Variants in PIGF observed in about 807,000 individuals in gnomAD.
PIGF encodes the protein GPI ethanolamine phosphate transferase, stabilizing subunit.
A neutral mutation model predicts 26.0 loss-of-function variants in PIGF; 23 were observed. The ratio of observed to expected loss-of-function variants is 0.88; its 90% CI spans 0.64 to 1.25. The LOEUF is 1.25. Ranked by LOEUF, PIGF falls within the 50% of genes most tolerant of loss-of-function variation. The pLI is 0.00. For synonymous variants in PIGF, 93 were observed against 92.6 expected, an observed-to-expected ratio of 1.00 and a Z score of -0.03; for missense variants, 278 against 249.9, an observed-to-expected ratio of 1.11 and a Z score of -0.76.
rs146676908 is a variant in PIGF, at chr2:46,599,899, C to A, written c.438-7316G>T. ...CACTTCACATGGGCACACATCCTAT[C>A]TTAACTAGCCCCAATTTTCCCTGTC... On this transcript the variant is annotated intron_variant, in intron 4 of 5. Coordinates refer to ENST00000281382, the MANE Select transcript of PIGF (RefSeq NM_002643.4). 3.3e-3 allele frequency among the ~76,000 whole-genome samples: 501 copies of A among 152,236 alleles called. 1 individual carries two copies. Among genetic ancestry groups the A allele is most frequent in the Middle Eastern group, 0.014 (4 of 294 alleles).
At chr2:46,613,090 G>C (rs2104143610) in intron 3 of PIGF, among the ~76,000 whole-genome samples, 1 of 151,478 alleles carries the variant, frequency 6.6e-6, no homozygotes, top group East Asian at 1.9e-4. Context: ...ACAAATATAT[G>C]TGTGTGTATA....
At chr2:46,605,761 C>T (rs1433224313) in intron 4 of PIGF, among the ~76,000 whole-genome samples, 1 of 152,080 alleles carries the variant, frequency 6.6e-6, no homozygotes, top group Non-Finnish European at 1.5e-5. Context: ...TCTACTACTT[C>T]CTGGCTACAG....
intron 5 of PIGF, chr2:46,591,870 G>A (rs1461461063): frequency 1.5e-6 from 2 of 1,303,688 alleles, no homozygotes; most frequent in Admixed American, 4.6e-5. Flanking sequence ...TCTGATGTTT[G>A]TGAGCTTTCT....
At chr2:46,602,013 C>T (rs1670074983) in intron 4 of PIGF, among the ~76,000 whole-genome samples, 1 of 150,838 alleles carries the variant, frequency 6.6e-6, no homozygotes, top group Non-Finnish European at 1.5e-5. Context: ...TTATTACTTT[C>T]CTTTATAAGA....
At chr2:46,609,456 C>G (rs1229949775) in intron 4 of PIGF, among the ~76,000 whole-genome samples, 1 of 152,206 alleles carries the variant, frequency 6.6e-6, no homozygotes, top group Non-Finnish European at 1.5e-5. Flanking sequence ...GACTAAATTT[C>G]CTTTAAGAAC....
At chr2:46,583,961 T>C (rs1001201259) in intron 5 of PIGF, among the ~76,000 whole-genome samples, 1 of 152,208 alleles carries the variant, frequency 6.6e-6, no homozygotes, top group African/African-American at 2.4e-5. Flanking sequence ...AATACTTTGC[T>C]AACTTACACT....
intron 3 of PIGF, among the ~76,000 whole-genome samples, chr2:46,613,274 G>A (rs1670485291): frequency 6.6e-6 from 1 of 152,168 alleles, no homozygotes; most frequent in South Asian, 2.1e-4. Flanking sequence ...ATAAACACCA[G>A]CTTATTCAGT....
At chr2:46,593,665 A>G (rs1446740741) in intron 4 of PIGF, among the ~76,000 whole-genome samples, 1 of 152,234 alleles carries the variant, frequency 6.6e-6, no homozygotes, top group Non-Finnish European at 1.5e-5. Flanking sequence ...TTCATCATGT[A>G]GAACAGGAGT....
intron 1 of PIGF, chr2:46,615,921 G>C (rs1489267961): frequency 6.6e-6 from 1 of 152,144 alleles, no homozygotes; most frequent in African/African-American, 2.4e-5. Flanking sequence ...TTACCTGAGA[G>C]CTGACTAATT....
At chr2:46,603,545 G>A (rs1670126248) in intron 4 of PIGF, among the ~76,000 whole-genome samples, 1 of 151,904 alleles carries the variant, frequency 6.6e-6, no homozygotes, top group African/African-American at 2.4e-5. Flanking sequence ...GAACCCAGAA[G>A]TAAATCCATA....
At chr2:46,594,540 T>A (rs1267659245) in intron 4 of PIGF, among the ~76,000 whole-genome samples, 1 of 150,862 alleles carries the variant, frequency 6.6e-6, no homozygotes, top group Non-Finnish European at 1.5e-5. Flanking sequence ...GTTAGGATTT[T>A]TTTTTTTTTT....
In PIGF at chr2:46,615,197, CAAGAA is replaced by C. The variant is rs765001185; in HGVS notation, c.-21-17_-21-13del. 24 of 1,082,508 alleles carry C rather than the reference CAAGAA, an allele frequency of 2.2e-5. No homozygotes were observed. Among genetic ancestry groups the C allele is most frequent in the Non-Finnish European group, 3.0e-5 (21 of 708,424 alleles). 67.1% of individuals were successfully genotyped at this position (1,082,508 alleles called of 1,614,324 possible). On this transcript the variant is annotated splice_polypyrimidine_tract_variant and intron_variant, in intron 1 of 5. Coordinates refer to ENST00000281382, the MANE Select transcript of PIGF (RefSeq NM_002643.4). ...TCTTGGATGGCTAGCTAACAAAAAACAAGAAAAGAAGAGCATATGCAATAACGACT... is the reference window on the plus strand; with the variant it reads ...TCTTGGATGGCTAGCTAACAAAAAACAAGAAGAGCATATGCAATAACGACT...
chr2:46,600,095 A>C (rs1444496308), intron 4 of PIGF, among the ~76,000 whole-genome samples: 5 of 152,236 alleles, frequency 3.3e-5, no homozygotes, highest in African/African-American at 9.6e-5. Flanking sequence ...ATTGAGACTT[A>C]AAAATTCATG....
At chr2:46,616,813 A>AACT (rs1558715294) in intron 1 of PIGF, 157 bp downstream of exon 1, 28 of 201,018 alleles carry the variant, frequency 1.4e-4, no homozygotes, top group African/African-American at 6.4e-4. Flanking sequence ...CGGATCCGAA[A>AACT]GGGGGTCTGT....
intron 3 of PIGF, 70 bp from the exon 4 acceptor site, chr2:46,612,414 A>G: frequency 2.2e-6 from 1 of 455,174 alleles, no homozygotes; most frequent in Non-Finnish European, 3.9e-6. Flanking sequence ...AATCTTTATT[A>G]TATAAATAAA....
At chr2:46,593,296 C>T (rs1380550620) in intron 4 of PIGF, among the ~76,000 whole-genome samples, 1 of 152,078 alleles carries the variant, frequency 6.6e-6, no homozygotes, top group Non-Finnish European at 1.5e-5. Context: ...CCATGCCCAG[C>T]TAATTTTTGT....
chr2:46,592,536 C>T lies in PIGF; in HGVS notation c.485G>A (p.Ser162Asn). 1 of 1,610,046 alleles carries T rather than the reference C, an allele frequency of 6.2e-7. No individual in the cohort carries two copies. Among genetic ancestry groups the T allele is most frequent in the Non-Finnish European group, 8.5e-7 (1 of 1,176,250 alleles). ...ENSLQITTIS[S>N]FVGAWLGALP... is the part of the protein sequence containing the mutation. Reference sequence around the variant, plus strand: ...TGCTCCAAGCCATGCTCCTACAAAGCTAGAAATTGTAGTGATCTGGAGACT... The same window carrying T: ...TGCTCCAAGCCATGCTCCTACAAAGTTAGAAATTGTAGTGATCTGGAGACT... The change falls in exon 5 of 6, where the codon AGC (serine) becomes AAC (asparagine). Residue 162 changes from serine (S) to asparagine (N), a missense_variant. By Grantham distance (46) the Ser-to-Asn change is conservative. Coordinates refer to ENST00000281382, the MANE Select transcript of PIGF (RefSeq NM_002643.4).
chr2:46,600,489 T>C (rs951802854), intron 4 of PIGF, among the ~76,000 whole-genome samples: 1 of 152,176 alleles, frequency 6.6e-6, no homozygotes, highest in East Asian at 1.9e-4. Flanking sequence ...TCATGGTACA[T>C]GGAATACTTG....
rs528496481 is a variant in PIGF at position 46,597,476 on chromosome 2, G to C, written c.438-4893C>G. Among the ~76,000 whole-genome samples, 3 of 151,692 alleles carry C rather than the reference G, an allele frequency of 2.0e-5. No individual in the cohort carries two copies. The East Asian group carries it at 5.8e-4, about 29-fold the overall frequency. ...CATCCAGGCTGGAGTGCAGTGGCAC[G>C]ATCTTGGCTTACTGCAACGTCTGCC... On this transcript the variant is annotated intron_variant, in intron 4 of 5. Transcript: ENST00000281382.
Sources: gnomAD v4.1 joint callset for allele counts (sites outside exome capture counted in the v4.1 genomes callset) on GRCh38, gnomAD v4.1.1 for gene constraint, MANE v1.5 for transcripts, NCBI Gene and HGNC (gene_info 2026-07-23, HGNC 2026-07-21) for gene names.